The following TSHZ2 variants were observed in gnomAD, a reference collection of about 807,000 sequenced individuals.
TSHZ2 encodes teashirt homolog 2.
A neutral mutation model predicts 74.4 loss-of-function variants in TSHZ2; 21 were observed. The ratio of observed to expected loss-of-function variants is 0.28; its 90% confidence interval spans 0.20 to 0.41. The LOEUF (loss-of-function observed/expected upper bound fraction) is 0.41. Among genes scored for constraint, TSHZ2 ranks in the 10% least tolerant of loss-of-function variants. The probability of loss-of-function intolerance (pLI) is 1.00; values close to 1 mark genes in which losing one functional copy is unlikely to be tolerated. For synonymous variants in TSHZ2, 540 were observed against 515.3 expected (o/e 1.05, Z -0.65); for missense variants, 1,244 against 1,293.5 (o/e 0.96, Z 0.59).
At chr20:53,025,981 G>A (rs1043277452) in intron 1 of TSHZ2, among the ~76,000 whole-genome samples, 2 of 152,178 alleles carry the variant, frequency 1.3e-5, no homozygotes, top group Non-Finnish European at 2.9e-5. Context: ...AGGATTGCAG[G>A]AGGCTGTGGT....
intron 1 of TSHZ2, among the ~76,000 whole-genome samples, chr20:53,012,083 G>A (rs1286488758): frequency 6.6e-6 from 1 of 152,100 alleles, no homozygotes; most frequent in Non-Finnish European, 1.5e-5. Context: ...CTACACGATG[G>A]CCCATGACTG....
chr20:52,989,878 A>G (rs1240139402), intron 1 of TSHZ2, among the ~76,000 whole-genome samples: 5 of 150,768 alleles, frequency 3.3e-5, no homozygotes, highest in African/African-American at 1.2e-4. Flanking sequence ...TTTTAACTTT[A>G]TGTTTGGACT....
At chr20:53,459,924 C>A (rs1378218562) in intron 2 of TSHZ2, among the ~76,000 whole-genome samples, 1 of 152,156 alleles carries the variant, frequency 6.6e-6, no homozygotes, top group Non-Finnish European at 1.5e-5. Flanking sequence ...GCCGAGAGAT[C>A]CACTGTTAGT....
At chr20:53,364,149 G>A (rs1981170646) in intron 2 of TSHZ2, among the ~76,000 whole-genome samples, 1 of 152,214 alleles carries the variant, frequency 6.6e-6, no homozygotes, top group Non-Finnish European at 1.5e-5. Flanking sequence ...TAAGGTCGAG[G>A]GTTCGACTCC....
rs1986502609 is a variant in TSHZ2 at position 53,493,518 on chromosome 20, T to A, written c.*6383T>A. ...AAGAAGAATTCATAATTGTCAAAAT[T>A]TGAAACATTAGCTTAATTTTGTTTT... On this transcript the variant is annotated 3_prime_UTR_variant, in exon 3 of 3. Transcript: ENST00000371497. The A allele has an allele frequency of 6.6e-6, 1 of 152,218 alleles. No homozygotes were observed. Among genetic ancestry groups the A allele is most frequent in the African/African-American group, 2.4e-5 (1 of 41,450 alleles). 9.4% of individuals were successfully genotyped at this position (152,218 alleles called of 1,614,324 possible). A position where few individuals can be genotyped will look rare whatever the true frequency, so the allele number is the denominator to read the frequency against.
chr20:53,228,053 G>A (rs1214889962), intron 1 of TSHZ2, among the ~76,000 whole-genome samples: 1 of 91,032 alleles, frequency 1.1e-5, no homozygotes, highest in Non-Finnish European at 2.2e-5. Flanking sequence ...CTGGTTTGTT[G>A]CTGGTATCAT....
At chr20:53,312,884 G>C (rs974578908) in intron 2 of TSHZ2, among the ~76,000 whole-genome samples, 1 of 152,214 alleles carries the variant, frequency 6.6e-6, no homozygotes, top group Non-Finnish European at 1.5e-5. Flanking sequence ...GCAAGGCTAG[G>C]AGGAGATAAG....
At chr20:53,392,173 G>A (rs983275866) in intron 2 of TSHZ2, among the ~76,000 whole-genome samples, 6 of 152,166 alleles carry the variant, frequency 3.9e-5, no homozygotes, top group African/African-American at 1.4e-4. Context: ...GATCATTCTA[G>A]GCCAGGTGCA....
At chr20:53,139,987 C>T (rs1277342447) in intron 1 of TSHZ2, among the ~76,000 whole-genome samples, 1 of 152,036 alleles carries the variant, frequency 6.6e-6, no homozygotes, top group East Asian at 1.9e-4. Flanking sequence ...TTTTGCCTCA[C>T]TGGATCTTAA....
intron 2 of TSHZ2, among the ~76,000 whole-genome samples, chr20:53,406,743 C>G (rs570758373): frequency 6.6e-6 from 1 of 152,162 alleles, no homozygotes; most frequent in Non-Finnish European, 1.5e-5. Context: ...GCAAGTCAGG[C>G]GATGAAAGGT....
At chr20:53,158,613 G>C (rs1987853364) in intron 1 of TSHZ2, among the ~76,000 whole-genome samples, 1 of 152,166 alleles carries the variant, frequency 6.6e-6, no homozygotes, top group Non-Finnish European at 1.5e-5. Context: ...TCCCCAGAAA[G>C]TGGCTCCTGT....
At chr20:53,013,185 C>T (rs1982917688) in intron 1 of TSHZ2, among the ~76,000 whole-genome samples, 1 of 152,118 alleles carries the variant, frequency 6.6e-6, no homozygotes, top group African/African-American at 2.4e-5. Context: ...GGTGATCAGC[C>T]ATGTCTTTCT....
rs117482091 is a variant in TSHZ2, at chr20:53,483,636, G to A, written c.*9-3508G>A. ...CAGGTATATTTGTGAATCTTAAATA[G>A]GGAAGAAAAGAGTTATCAAATAAAC... On this transcript the variant is annotated intron_variant, in intron 2 of 2. Transcript: ENST00000371497. Among the ~76,000 whole-genome samples, 978 of 152,252 alleles carry A rather than the reference G, an allele frequency of 6.4e-3. 6 individuals carry two copies. Among genetic ancestry groups the A allele is most frequent in the Non-Finnish European group, 8.8e-3 (597 of 68,004 alleles).
chr20:53,143,470 G>T (rs1235193084), intron 1 of TSHZ2, among the ~76,000 whole-genome samples: 1 of 152,132 alleles, frequency 6.6e-6, no homozygotes, highest in Non-Finnish European at 1.5e-5. Context: ...GAGGTGGGCG[G>T]ATCACAAGGT....
chr20:53,114,479 A>T lies in TSHZ2; in HGVS notation c.41-139020A>T, dbSNP rs114527704. On this transcript the variant is annotated intron_variant, in intron 1 of 2. Transcript: ENST00000371497. ...AGAAACGAGATGATCAATGCAAACT[A>T]TTCCGTATACAGTAAGCACTCCATA... is the stretch of plus-strand genomic sequence containing the variant. Among the ~76,000 whole-genome samples the T allele has an allele frequency of 5.1e-3, 781 of 152,308 alleles. 5 individuals carry two copies. The highest frequency in any genetic ancestry group is 0.018 in the African/African-American group (742 of 41,564).
intron 2 of TSHZ2, among the ~76,000 whole-genome samples, chr20:53,334,550 CG>C (rs1251338736): frequency 5.9e-5 from 9 of 152,070 alleles, no homozygotes; most frequent in Non-Finnish European, 1.2e-4. Context: ...AGGGTCCGAC[CG>C]GCAATTGCAC....
At chr20:53,360,378 G>A (rs1981005633) in intron 2 of TSHZ2, among the ~76,000 whole-genome samples, 1 of 152,172 alleles carries the variant, frequency 6.6e-6, no homozygotes, top group Non-Finnish European at 1.5e-5. Flanking sequence ...CCTACTTTAA[G>A]TACTCTGCCC....
At chr20:53,429,381 C>T (rs1012283384) in intron 2 of TSHZ2, among the ~76,000 whole-genome samples, 2 of 152,212 alleles carry the variant, frequency 1.3e-5, no homozygotes, top group Non-Finnish European at 2.9e-5. Flanking sequence ...TGAATTCCCA[C>T]GTGTTGTGGG....
At chr20:53,138,508 C>T (rs1241579866) in intron 1 of TSHZ2, among the ~76,000 whole-genome samples, 2 of 152,132 alleles carry the variant, frequency 1.3e-5, no homozygotes, top group Non-Finnish European at 2.9e-5. Context: ...TTTCTCTCAC[C>T]CTTAGTCACA....
Sources: allele counts gnomAD v4.1 joint callset (sites outside exome capture counted in the v4.1 genomes callset), GRCh38; gene constraint gnomAD v4.1.1; transcripts MANE v1.5; gene names NCBI Gene and HGNC (gene_info 2026-07-23, HGNC 2026-07-21).